The following TCF4 variants were observed in gnomAD, a reference collection of about 807,000 sequenced individuals.
The protein encoded by TCF4 is SL3-3 enhancer factor 2.
In TCF4, 3 loss-of-function variants were observed where a neutral mutation model predicts 82.1. That is an observed-to-expected ratio of 0.04 (90% confidence interval 0.02 to 0.09). The LOEUF (loss-of-function observed/expected upper bound fraction) is 0.09. TCF4 is among the 10% of genes least tolerant of loss of function. TCF4 has a pLI of 1.00. For missense variants in TCF4, 518 were observed against 852.7 expected (o/e 0.61, Z 4.89); for synonymous variants, 276 against 309.6 (o/e 0.89, Z 1.14).
At chr18:55,537,928 C>T (rs1242463410) in intron 3 of TCF4, among the ~76,000 whole-genome samples, 1 of 151,946 alleles carries the variant, frequency 6.6e-6, no homozygotes, top group Non-Finnish European at 1.5e-5. Flanking sequence ...ATGCACTGCT[C>T]CTATCGTACA....
intron 8 of TCF4, among the ~76,000 whole-genome samples, chr18:55,288,720 C>T (rs999517946): frequency 6.6e-6 from 1 of 152,198 alleles, no homozygotes; most frequent in African/African-American, 2.4e-5. Context: ...AGAAGCAGGA[C>T]CATTCATCTG....
chr18:55,375,835 A>C (rs2090585738), intron 6 of TCF4, among the ~76,000 whole-genome samples: 1 of 152,240 alleles, frequency 6.6e-6, no homozygotes, highest in South Asian at 2.1e-4. Flanking sequence ...GACTGAAGCC[A>C]CAAAAGAAAA....
At chr18:55,502,919 T>C (rs1479992961) in intron 3 of TCF4, among the ~76,000 whole-genome samples, 1 of 152,250 alleles carries the variant, frequency 6.6e-6, no homozygotes, top group African/African-American at 2.4e-5. Flanking sequence ...TATCCTGAGA[T>C]ATTCAACCTT....
chr18:55,523,854 T>C (rs1401322145), intron 3 of TCF4, among the ~76,000 whole-genome samples: 1 of 152,078 alleles, frequency 6.6e-6, no homozygotes, highest in Non-Finnish European at 1.5e-5. Context: ...TCTGTGATGT[T>C]CATGCCAGAC....
chr18:55,561,542 T>C (rs1229795381), intron 3 of TCF4, among the ~76,000 whole-genome samples: 2 of 152,204 alleles, frequency 1.3e-5, no homozygotes, highest in Non-Finnish European at 2.9e-5. Context: ...TCTTTGTCCA[T>C]AATGATCTTC....
chr18:55,397,038 C>T (rs936551099), intron 6 of TCF4, among the ~76,000 whole-genome samples: 2 of 152,074 alleles, frequency 1.3e-5, no homozygotes, highest in African/African-American at 4.8e-5. Context: ...ACTATTAGGT[C>T]AAAGGTTGTT....
At chr18:55,320,492 T>C (rs1349322890) in intron 8 of TCF4, among the ~76,000 whole-genome samples, 1 of 152,242 alleles carries the variant, frequency 6.6e-6, no homozygotes, top group East Asian at 1.9e-4. Context: ...CAAACAGTTG[T>C]GTATATGTAT....
rs767888662 is a variant in TCF4 at position 55,585,326 on chromosome 18, C to T, written c.99G>A (p.Gly33=). ...TTGCCAAAGAAGTTGGTCCATTTTT[C>T]CCACTGCTCACAGGAGGTGAAAACA... ...SAMFSPPVSS[G]KNGPTSLASG... The change falls in exon 3 of 20, where the codon GGG becomes GGA. Residue 33 remains glycine (G), a synonymous_variant. Coordinates refer to ENST00000354452, the MANE Select transcript of TCF4 (RefSeq NM_001083962.2). 4 of 1,613,986 alleles carry T rather than the reference C, an allele frequency of 2.5e-6. No homozygotes were observed. Among genetic ancestry groups the T allele is most frequent in the Non-Finnish European group, 2.5e-6 (3 of 1,179,918 alleles).
At chr18:55,588,563 G>A (rs2097674907), upstream of TCF4, 4 of 1,529,316 alleles carry the variant, frequency 2.6e-6, no homozygotes, top group Non-Finnish European at 3.5e-6. Flanking sequence ...AAATTTATTC[G>A]AGTTTACATC....
chr18:55,555,389 G>C (rs2097295263), intron 3 of TCF4, among the ~76,000 whole-genome samples: 1 of 152,172 alleles, frequency 6.6e-6, no homozygotes, highest in South Asian at 2.1e-4. Flanking sequence ...GGTCACTACT[G>C]TAACCATATA....
chr18:55,422,547 T>C (rs2094812204), intron 5 of TCF4: 2 of 828,318 alleles, frequency 2.4e-6, no homozygotes, highest in East Asian at 1.2e-4. Flanking sequence ...ATGTTTCCTA[T>C]GATGGAAATT....
intron 2 of TCF4, among the ~76,000 whole-genome samples, chr18:55,601,495 T>C (rs1443426315): frequency 6.7e-6 from 1 of 149,008 alleles, no homozygotes. Flanking sequence ...AAGGAAAGTC[T>C]GATTCAAGCT....
intron 8 of TCF4, among the ~76,000 whole-genome samples, chr18:55,294,260 AAAAAAAAAG>A (rs919225562): frequency 7.6e-5 from 11 of 144,336 alleles, no homozygotes; most frequent in Middle Eastern, 3.4e-3. Context: ...AATCTGTCTC[AAAAAAAAAG>A]AAAAAAAAGA....
intron 6 of TCF4, among the ~76,000 whole-genome samples, chr18:55,366,633 A>G (rs1460982709): frequency 6.6e-6 from 1 of 152,200 alleles, no homozygotes; most frequent in African/African-American, 2.4e-5. Flanking sequence ...ACCTAAACCT[A>G]TTTCACGAAA....
intron 8 of TCF4, among the ~76,000 whole-genome samples, chr18:55,328,760 C>T (rs1268661675): frequency 6.6e-6 from 1 of 152,158 alleles, no homozygotes; most frequent in Non-Finnish European, 1.5e-5. Context: ...GGAATCTCAG[C>T]ACAGGATGTT....
intron 8 of TCF4, among the ~76,000 whole-genome samples, chr18:55,316,549 G>T (rs2074186607): frequency 6.6e-6 from 1 of 151,996 alleles, no homozygotes; most frequent in Admixed American, 6.6e-5. Context: ...GCCATTAAAA[G>T]ATAAGTTATA....
In TCF4 at chr18:55,402,132, G is replaced by A. The variant is rs2093856488; in HGVS notation, c.369+1322C>T. 3.0e-6 allele frequency: 3 copies of A among 985,324 alleles called. No homozygotes were observed. In the Admixed American group the frequency reaches 1.8e-4, roughly 61 times the overall value. 61.0% of individuals were successfully genotyped at this position (985,324 alleles called of 1,614,324 possible). A position where few individuals can be genotyped will look rare whatever the true frequency, so the allele number is the denominator to read the frequency against. The stretch of plus-strand genomic sequence containing the variant: ...GAATTCTTTCCAAACAAACTGCCAT[G>A]AACTGCACTCCGGCAGGAGCTCTTA... On this transcript the variant is annotated intron_variant, in intron 6 of 19. Coordinates refer to ENST00000354452, the MANE Select transcript of TCF4 (RefSeq NM_001083962.2).
chr18:55,476,468 G>C (rs549350912), intron 3 of TCF4, among the ~76,000 whole-genome samples: 20 of 151,546 alleles, frequency 1.3e-4, no homozygotes, highest in Non-Finnish European at 2.4e-4. Flanking sequence ...TTTGTTTTTT[G>C]TTTTTTGTTT....
At chr18:55,625,846 G>A (rs2097726081) in intron 2 of TCF4, among the ~76,000 whole-genome samples, 1 of 152,032 alleles carries the variant, frequency 6.6e-6, no homozygotes, top group South Asian at 2.1e-4. Context: ...ATCCAAATAC[G>A]ATTTCTCGTT....
Sources: gnomAD v4.1 joint callset for allele counts (sites outside exome capture counted in the v4.1 genomes callset) on GRCh38, gnomAD v4.1.1 for gene constraint, MANE v1.5 for transcripts, NCBI Gene and HGNC (gene_info 2026-07-23, HGNC 2026-07-21) for gene names.